The following TANC2 variants were observed in gnomAD, a reference collection of about 807,000 sequenced individuals.
The protein encoded by TANC2 is tetratricopeptide repeat, ankyrin repeat and coiled-coil containing 2.
In TANC2, 26 loss-of-function variants were observed where a neutral mutation model predicts 210.5. The ratio of observed to expected loss-of-function variants is 0.12; its 90% CI spans 0.09 to 0.17. The LOEUF (loss-of-function observed/expected upper bound fraction) is 0.17, where lower values mean the gene tolerates loss of function less well. TANC2 is among the 10% of genes least tolerant of loss of function. The probability of loss-of-function intolerance (pLI) is 1.00; values close to 1 mark genes in which losing one functional copy is unlikely to be tolerated. For missense variants in TANC2, 2,129 were observed against 2,608.9 expected, an observed-to-expected ratio of 0.82 and a Z score of 4.01; for synonymous variants, 931 against 967.1, an observed-to-expected ratio of 0.96 and a Z score of 0.69.
chr17:63,028,771 C>CT (rs1479272982), intron 2 of TANC2, among the ~76,000 whole-genome samples: 1 of 152,010 alleles, frequency 6.6e-6, no homozygotes, highest in Non-Finnish European at 1.5e-5. Context: ...ATTCTGCCAT[C>CT]TTTCATATGG....
At chr17:63,350,529 G>A (rs997428363) in intron 12 of TANC2, among the ~76,000 whole-genome samples, 1 of 152,138 alleles carries the variant, frequency 6.6e-6, no homozygotes, top group Non-Finnish European at 1.5e-5. Flanking sequence ...GTCAATGCCG[G>A]ATCATGTGGA....
At chr17:63,240,141 A>G (rs895211738) in intron 8 of TANC2, among the ~76,000 whole-genome samples, 5 of 152,228 alleles carry the variant, frequency 3.3e-5, no homozygotes, top group African/African-American at 1.2e-4. Context: ...GAAAAGAAGC[A>G]TGTAAATCCT....
intron 4 of TANC2, among the ~76,000 whole-genome samples, chr17:63,132,824 ACTGGC>A (rs2038963810): frequency 6.6e-6 from 1 of 152,228 alleles, no homozygotes; most frequent in South Asian, 2.1e-4. Context: ...CCGGAAAGCT[ACTGGC>A]CTTCACACTT....
At chr17:63,253,400 A>G (rs1037264225) in intron 8 of TANC2, among the ~76,000 whole-genome samples, 2 of 152,040 alleles carry the variant, frequency 1.3e-5, no homozygotes, top group African/African-American at 4.8e-5. Flanking sequence ...TTGTCTCTTC[A>G]CTTTGTTGAT....
chr17:63,364,335 A>G (rs1260839703), intron 14 of TANC2, among the ~76,000 whole-genome samples: 1 of 152,212 alleles, frequency 6.6e-6, no homozygotes, highest in African/African-American at 2.4e-5. Context: ...CCATTAGAAG[A>G]TGGGCCACAG....
chr17:63,200,450 A>G (rs934676667), intron 6 of TANC2, among the ~76,000 whole-genome samples: 1 of 152,010 alleles, frequency 6.6e-6, no homozygotes, highest in Admixed American at 6.5e-5. Flanking sequence ...TGCAAGGAAA[A>G]CTTGCAATAG....
chr17:63,241,521 C>A (rs1305341214), intron 8 of TANC2, among the ~76,000 whole-genome samples: 1 of 152,162 alleles, frequency 6.6e-6, no homozygotes, highest in Non-Finnish European at 1.5e-5. Context: ...AAACCACACT[C>A]ATTTATTTAT....
At chr17:63,380,897 C>A (rs2047587252) in intron 15 of TANC2, among the ~76,000 whole-genome samples, 1 of 152,154 alleles carries the variant, frequency 6.6e-6, no homozygotes, top group African/African-American at 2.4e-5. Context: ...AATCACTGTA[C>A]CAAAAATGAC....
At chr17:63,289,582 A>T (rs2044324189) in intron 9 of TANC2, among the ~76,000 whole-genome samples, 2 of 152,006 alleles carry the variant, frequency 1.3e-5, no homozygotes, top group Non-Finnish European at 2.9e-5. Flanking sequence ...TGCTTACATT[A>T]CCCACTATTG....
At chr17:63,143,085 G>A (rs1040547672) in intron 4 of TANC2, among the ~76,000 whole-genome samples, 6 of 152,172 alleles carry the variant, frequency 3.9e-5, no homozygotes, top group African/African-American at 1.4e-4. Flanking sequence ...AGCATTCATT[G>A]AATTGAAGGG....
At chr17:63,215,718 G>A (rs527992116) in intron 7 of TANC2, among the ~76,000 whole-genome samples, 43 of 151,680 alleles carry the variant, frequency 2.8e-4, no homozygotes, top group African/African-American at 8.7e-4. Flanking sequence ...ATTTTATTTT[G>A]TTTTGTTTTG....
exon 7 of TANC2, chr17:63,200,904 G>A: frequency 6.2e-7 from 1 of 1,613,676 alleles, no homozygotes; most frequent in African/African-American, 1.3e-5. Context: ...TGCAGCTATG[G>A]GGCTGTTACT....
chr17:63,224,249 GA>G (rs1350069743), intron 7 of TANC2, among the ~76,000 whole-genome samples: 2 of 131,112 alleles, frequency 1.5e-5, no homozygotes, highest in Admixed American at 1.6e-4. Context: ...CAGACTTGCT[GA>G]TTTTTTTTTT....
intron 9 of TANC2, among the ~76,000 whole-genome samples, chr17:63,281,483 T>C (rs2044056085): frequency 6.6e-6 from 1 of 151,880 alleles, no homozygotes; most frequent in Non-Finnish European, 1.5e-5. Context: ...ACCCAGAAGC[T>C]GAAAGAACTT....
chr17:62,989,420 T>A (rs1295257087), intron 1 of TANC2, among the ~76,000 whole-genome samples: 1 of 152,192 alleles, frequency 6.6e-6, no homozygotes, highest in Non-Finnish European at 1.5e-5. Context: ...AAAATAAGTT[T>A]TTTGCTGTGT....
intron 14 of TANC2, among the ~76,000 whole-genome samples, chr17:63,368,146 A>G (rs2047164603): frequency 6.6e-6 from 1 of 152,226 alleles, no homozygotes; most frequent in Non-Finnish European, 1.5e-5. Context: ...GTGAAAGGTC[A>G]GGACAGAGGG....
At chr17:63,029,644 T>C (rs892490312) in intron 2 of TANC2, among the ~76,000 whole-genome samples, 1 of 152,048 alleles carries the variant, frequency 6.6e-6, no homozygotes, top group African/African-American at 2.4e-5. Context: ...CCAATTTTGG[T>C]TCATTAATTC....
intron 2 of TANC2, among the ~76,000 whole-genome samples, chr17:63,056,608 G>C (rs2035815560): frequency 6.6e-6 from 1 of 152,138 alleles, no homozygotes; most frequent in Non-Finnish European, 1.5e-5. Context: ...GAGCCCAGGA[G>C]GTGGAGGTTG....
rs545218860 is a variant in TANC2 at position 63,015,596 on chromosome 17, G to T, written c.67+5970G>T. ...GGTTTTTTTGTCCTTGCGATAGTTT[G>T]CTTGAAATAAGATAAATTTTATCTG... On this transcript the variant is annotated intron_variant, in intron 2 of 27. Transcript: ENST00000689528. Among the ~76,000 whole-genome samples, 295 of 151,848 alleles carry T rather than the reference G, an allele frequency of 1.9e-3. 2 individuals are homozygous for T. The highest frequency in any genetic ancestry group is 9.3e-4 in the Non-Finnish European group (63 of 67,940).
Sources: gnomAD v4.1 joint callset for allele counts (sites outside exome capture counted in the v4.1 genomes callset) on GRCh38, gnomAD v4.1.1 for gene constraint, MANE v1.5 for transcripts, NCBI Gene and HGNC (gene_info 2026-07-23, HGNC 2026-07-21) for gene names.